Variants in KANTR observed in about 807,000 individuals in gnomAD.
KANTR encodes the protein KANTR integral membrane protein.
At chrX:53,140,607 A>G (rs1556818348) in intron 2 of KANTR, among the ~76,000 whole-genome samples, 1 of 110,194 alleles carries the variant, frequency 9.1e-6, no homozygotes, top group East Asian at 2.8e-4. Context: ...AAGGGGCCAT[A>G]TGCAAGGGTG....
At chrX:53,121,108 C>T (rs1556815455) in intron 2 of KANTR, among the ~76,000 whole-genome samples, 1 of 110,789 alleles carries the variant, frequency 9.0e-6, no homozygotes, top group Non-Finnish European at 1.9e-5. Flanking sequence ...AAGCAATTCT[C>T]CTGCCTCAGC....
At chrX:53,101,475 T>C (rs1556811854) in intron 2 of KANTR, among the ~76,000 whole-genome samples, 2 of 111,929 alleles carry the variant, frequency 1.8e-5, no homozygotes, top group African/African-American at 6.5e-5. Context: ...GTGATAGATG[T>C]TGAGATACTT....
chrX:53,141,332 G>T (rs190591558), intron 2 of KANTR, among the ~76,000 whole-genome samples: 29 of 111,352 alleles, frequency 2.6e-4, no homozygotes, highest in Middle Eastern at 4.6e-3. Context: ...CCTTCTGTGG[G>T]AATCATTCGA....
chrX:53,135,015 G>A (rs1199488977), intron 2 of KANTR, among the ~76,000 whole-genome samples: 2 of 111,875 alleles, frequency 1.8e-5, no homozygotes, highest in Non-Finnish European at 3.8e-5. Context: ...GATTTTGAAA[G>A]CTCCTTCAAA....
chrX:53,138,362 C>G (rs1297331565), intron 2 of KANTR, among the ~76,000 whole-genome samples: 2 of 106,858 alleles, frequency 1.9e-5, no homozygotes, highest in African/African-American at 6.7e-5. Flanking sequence ...GCCTTTGTTT[C>G]TTTGAATTTA....
At chrX:53,126,602 G>A (rs1388217311) in exon 3 of KANTR, 5 of 111,575 alleles carry the variant, frequency 4.5e-5, no homozygotes, top group African/African-American at 1.6e-4. Context: ...GGTCATCTTA[G>A]TGATTACATC....
intron 2 of KANTR, among the ~76,000 whole-genome samples, chrX:53,137,974 A>G (rs782203262): frequency 9.0e-6 from 1 of 110,933 alleles, no homozygotes; most frequent in East Asian, 2.8e-4. Flanking sequence ...TTTTCAAAGA[A>G]TCTGCTTTGG....
downstream of KANTR, among the ~76,000 whole-genome samples, chrX:53,144,211 A>T (rs981944111): frequency 9.0e-6 from 1 of 111,483 alleles, no homozygotes; most frequent in Non-Finnish European, 1.9e-5. Context: ...CTTGGGAAAC[A>T]TGGCGAAACC....
chrX:53,107,859 G>A (rs1384502095), intron 2 of KANTR, among the ~76,000 whole-genome samples: 1 of 109,972 alleles, frequency 9.1e-6, no homozygotes, highest in African/African-American at 3.4e-5. Flanking sequence ...TGGGATTACA[G>A]GTGTGAACCA....
chrX:53,145,058 C>T (rs1933555026), downstream of KANTR, among the ~76,000 whole-genome samples: 1 of 111,583 alleles, frequency 9.0e-6, no homozygotes, highest in Non-Finnish European at 1.9e-5. Context: ...CAGCTCCAGT[C>T]TGCAGCTCCC....
At chrX:53,123,727 T>G (rs187511683) in exon 3 of KANTR, 2 of 111,714 alleles carry the variant, frequency 1.8e-5, no homozygotes, top group Admixed American at 9.5e-5. Flanking sequence ...ACAGGTCCCT[T>G]GTCCTCAATG....
At chrX:53,104,376 A>AG (rs1932921890) in intron 2 of KANTR, among the ~76,000 whole-genome samples, 2 of 109,722 alleles carry the variant, frequency 1.8e-5, no homozygotes, top group Non-Finnish European at 3.8e-5. Flanking sequence ...ACAGGCGCAC[A>AG]CCACCATGCC....
chrX:53,127,293 A>C (rs1182167274), exon 3 of KANTR: 1 of 111,996 alleles, frequency 8.9e-6, no homozygotes, highest in Admixed American at 9.5e-5. Context: ...TTTTATATTT[A>C]TTTATTGTGG....
At chrX:53,147,656 G>C (rs1366055082), downstream of KANTR, among the ~76,000 whole-genome samples, 3 of 111,424 alleles carry the variant, frequency 2.7e-5, no homozygotes, top group Non-Finnish European at 5.7e-5. Flanking sequence ...CAAATCAACA[G>C]AATATACATT....
At position 53,106,275 on chromosome X, in the gene KANTR, T is replaced by C. The variant is rs990800769; in HGVS notation, c.-805+6667T>C. Among the ~76,000 whole-genome samples the C allele has an allele frequency of 9.0e-5, 10 of 110,803 alleles. 2 individuals carry two copies. Among genetic ancestry groups the C allele is most frequent in the African/African-American group, 3.4e-4 (10 of 29,536 alleles). On this transcript the variant is annotated intron_variant, in intron 2 of 2. Transcript: ENST00000604062. ...GTGATGTCCAGCTTACCTATTTTGT[T>C]GTCACTTGGGCATTTGGTGTTATAT...
intron 2 of KANTR, among the ~76,000 whole-genome samples, chrX:53,114,271 C>T (rs782257707): frequency 8.9e-6 from 1 of 112,278 alleles, no homozygotes; most frequent in South Asian, 3.7e-4. Flanking sequence ...TTCTCAAACT[C>T]CTCGGCTCAA....
downstream of KANTR, among the ~76,000 whole-genome samples, chrX:53,131,960 T>A (rs1017172546): frequency 8.9e-6 from 1 of 112,192 alleles, no homozygotes; most frequent in African/African-American, 3.2e-5. Flanking sequence ...ATACAAAAAT[T>A]AGTTGTATAT....
intron 1 of KANTR, among the ~76,000 whole-genome samples, chrX:53,095,770 T>G (rs915501639): frequency 6.3e-5 from 7 of 111,130 alleles, no homozygotes; most frequent in African/African-American, 2.3e-4. Context: ...TAATGAACAA[T>G]TCTTCACAAA....
intron 1 of KANTR, among the ~76,000 whole-genome samples, chrX:53,095,209 C>T (rs192003747): frequency 5.4e-5 from 6 of 111,823 alleles, no homozygotes; most frequent in Admixed American, 2.8e-4. Context: ...TTTTAATAGC[C>T]CCTTATCCTA....
Sources: gnomAD v4.1 joint callset for allele counts (sites outside exome capture counted in the v4.1 genomes callset) on GRCh38, gnomAD v4.1.1 for gene constraint, MANE v1.5 for transcripts, NCBI Gene and HGNC (gene_info 2026-07-23, HGNC 2026-07-21) for gene names.